The following USP8 variants were observed in gnomAD, a reference collection of about 807,000 sequenced individuals.
USP8 encodes the protein ubiquitin carboxyl-terminal hydrolase 8.
In USP8, 27 loss-of-function variants were observed where a neutral mutation model predicts 130.0. That is an observed-to-expected ratio of 0.21 (90% CI 0.15 to 0.29). USP8 has a LOEUF of 0.29. USP8 is among the 10% of genes least tolerant of loss of function. The pLI, the probability that USP8 is intolerant of heterozygous loss-of-function variation, is 1.00. For missense variants in USP8, 1,029 were observed against 1,312.2 expected (o/e 0.78, Z 3.33); for synonymous variants, 392 against 444.1 (o/e 0.88, Z 1.48).
chr15:50,439,021 T>C lies in USP8; in HGVS notation c.-53T>C. 7.8e-7 allele frequency: 1 copy of C among 1,276,188 alleles called. No individual in the cohort carries two copies. The allele number at this position is 1,276,188 out of a possible 1,614,324, so 79.1% of individuals were successfully genotyped here. A position where few individuals can be genotyped will look rare whatever the true frequency, so the allele number is the denominator to read the frequency against. ...GTATTTGTTTCAGGAAAGAAGCACT[T>C]GTAAGGAAATATAGCATCCATTGTG... On this transcript the variant is annotated 5_prime_UTR_variant, in exon 2 of 20. Coordinates refer to ENST00000307179, the MANE Select transcript of USP8 (RefSeq NM_005154.5).
chr15:50,473,464 T>C (rs1324240968), intron 8 of USP8, among the ~76,000 whole-genome samples: 1 of 152,132 alleles, frequency 6.6e-6, no homozygotes, highest in Non-Finnish European at 1.5e-5. Flanking sequence ...ATCATAGGCC[T>C]AACTATATAT....
At position 50,506,276 on chromosome 15, in the gene USP8, C is replaced by T. The variant is rs184987804; in HGVS notation, c.*7188C>T. ...ACCTGGCTGCACAGCAGGAAGCGAG[C>T]GGCAAACCTACCCTGAGCACCGCCT... On this transcript the variant is annotated 3_prime_UTR_variant, in exon 20 of 20. Coordinates refer to ENST00000307179, the MANE Select transcript of USP8 (RefSeq NM_005154.5). 6.7e-3 allele frequency: 1,024 copies of T among 152,394 alleles called. 4 individuals carry two copies. The highest frequency in any genetic ancestry group is 0.01 in the Non-Finnish European group (692 of 68,120). The allele number at this position is 152,394 out of a possible 1,614,324, so 9.4% of individuals were successfully genotyped here.
intron 7 of USP8, among the ~76,000 whole-genome samples, chr15:50,470,042 A>G (rs2051326363): frequency 6.6e-6 from 1 of 152,146 alleles, no homozygotes; most frequent in Non-Finnish European, 1.5e-5. Flanking sequence ...CATGTTGGCC[A>G]GGCTGGTCTC....
At chr15:50,452,494 A>G (rs528672573) in intron 4 of USP8, among the ~76,000 whole-genome samples, 38 of 152,322 alleles carry the variant, frequency 2.5e-4, no homozygotes, top group South Asian at 4.2e-4. Context: ...GAAAATAGGA[A>G]AAAAGAGAAT....
rs1261485496 is a variant in USP8, at chr15:50,508,750, C to A, written c.*9662C>A. ...CAGTGGTTCATGCCTATAATCCCTG[C>A]ACTTTGGGAGGCCAAGGCAGATGGA... On this transcript the variant is annotated 3_prime_UTR_variant, in exon 20 of 20. Transcript: ENST00000307179. The A allele has an allele frequency of 1.3e-5, 2 of 152,054 alleles. No homozygotes were observed. Among genetic ancestry groups the A allele is most frequent in the Admixed American group, 6.6e-5 (1 of 15,262 alleles). 9.4% of individuals were successfully genotyped at this position (152,054 alleles called of 1,614,324 possible). A position where few individuals can be genotyped will look rare whatever the true frequency, so the allele number is the denominator to read the frequency against.
chr15:50,441,564 A>G (rs944854299), intron 3 of USP8, 71 bp downstream of exon 3: 1 of 1,314,498 alleles, frequency 7.6e-7, no homozygotes, highest in African/African-American at 1.5e-5. Flanking sequence ...TTTTTCTAAA[A>G]ATTTTAAGTA....
intron 11 of USP8, among the ~76,000 whole-genome samples, chr15:50,483,417 ATT>A (rs1409600697): frequency 1.3e-5 from 2 of 152,262 alleles, no homozygotes; most frequent in African/African-American, 4.8e-5. Context: ...TCTAGAATAA[ATT>A]TTGTTAAAAT....
rs539465242 is a variant in USP8 at position 50,494,199 on chromosome 15, C to G, written c.2577C>G (p.Asp859Glu). 1 of 1,613,962 alleles carries G rather than the reference C, an allele frequency of 6.2e-7. No individual in the cohort carries two copies. The highest frequency in any genetic ancestry group is 1.1e-5 in the South Asian group (1 of 91,048). Residue 859 changes from aspartate (D) to glutamate (E), a missense_variant, in exon 16 of 20, where the codon GAC becomes GAG. This residue lies in a region of USP8 where 257 missense variants were observed against 429.8 expected (regional missense o/e 0.60). Transcript: ENST00000307179. The part of the protein sequence containing the change: ...DFKITIGKIN[D>E]QFAGYSQQDS... ...AAATCACCATTGGGAAGATCAATGA[C>G]CAGTTTGCAGGATACAGTCAGCAAG...
intron 1 of USP8, among the ~76,000 whole-genome samples, chr15:50,434,654 C>T (rs905700596): frequency 3.3e-5 from 5 of 151,680 alleles, no homozygotes; most frequent in South Asian, 4.2e-4. Flanking sequence ...CTTGCTGTGT[C>T]GCCCAGGTTG....
At chr15:50,498,753 C>T (rs1566895525) in intron 19 of USP8, 25 bp downstream of exon 19, 21 of 1,574,524 alleles carry the variant, frequency 1.3e-5, no homozygotes, top group Non-Finnish European at 1.7e-5. Flanking sequence ...GAACTGAAGA[C>T]TTTTTGTTTC....
Position 50,449,926 on chromosome 15 carries a change from C to T in USP8, c.335+441C>T, listed in dbSNP as rs184081189. 9.5e-3 allele frequency among the ~76,000 whole-genome samples: 990 copies of T among 104,524 alleles called. 17 individuals carry two copies. Among genetic ancestry groups the T allele is most frequent in the African/African-American group, 0.035 (955 of 26,982 alleles). The allele number at this position is 104,524 out of a possible 152,430, so 68.6% of individuals were successfully genotyped here. A position where few individuals can be genotyped will look rare whatever the true frequency, so the allele number is the denominator to read the frequency against. On this transcript the variant is annotated intron_variant, in intron 4 of 19. Transcript: ENST00000307179. Reference sequence around the variant, plus strand: ...TTTTTTTTTTTCTGAGACGGAGTCTCACTGTTGCCCAGGCTGGAGTGCAGT... The same window carrying T: ...TTTTTTTTTTTCTGAGACGGAGTCTTACTGTTGCCCAGGCTGGAGTGCAGT...
chr15:50,447,996 G>C (rs2050498190), intron 3 of USP8, among the ~76,000 whole-genome samples: 1 of 152,046 alleles, frequency 6.6e-6, no homozygotes, highest in South Asian at 2.1e-4. Flanking sequence ...ACCCACCCCA[G>C]CCTCCCAAAG....
intron 12 of USP8, among the ~76,000 whole-genome samples, chr15:50,489,300 T>G (rs982015736): frequency 6.6e-6 from 1 of 152,284 alleles, no homozygotes; most frequent in Admixed American, 6.5e-5. Context: ...CTTGTGAATA[T>G]TCATTTGCTA....
chr15:50,441,396 G>C lies in USP8; in HGVS notation c.152G>C (p.Arg51Thr), dbSNP rs774971326. The change falls in exon 3 of 20, where the codon AGA becomes ACA. Residue 51 changes from arginine to threonine, a missense_variant. Arg to Thr is a moderately conservative substitution (Grantham distance 71). Around this residue, in one of 4 missense-constraint regions of USP8, gnomAD observed 281 missense variants for 336.7 expected, o/e 0.83. Coordinates refer to ENST00000307179, the MANE Select transcript of USP8 (RefSeq NM_005154.5). The stretch of plus-strand genomic sequence containing the variant: ...ATCTTTAAGACAGCAGAAGAATGCA[G>C]ATTAGATCGTGATGAGGAAAGGGCC... ...LKIFKTAEEC[R>T]LDRDEERAYV... 4 of 1,609,902 alleles carry C rather than the reference G, an allele frequency of 2.5e-6. No homozygotes were observed. The African/African-American group carries it at 4.0e-5, about 16-fold the overall frequency.
chr15:50,505,225 A>G lies in USP8; in HGVS notation c.*6137A>G, dbSNP rs2052642805. Reference sequence around the variant, plus strand: ...ATTTAGGAAATGCAGCGAGCCAGGGATAAATAAAAATAATACTGCAGAACA... The same window carrying G: ...ATTTAGGAAATGCAGCGAGCCAGGGGTAAATAAAAATAATACTGCAGAACA... On this transcript the variant is annotated 3_prime_UTR_variant, in exon 20 of 20. Transcript: ENST00000307179. 6.6e-6 allele frequency: 1 copy of G among 152,184 alleles called. No individual in the cohort carries two copies. The highest frequency in any genetic ancestry group is 2.4e-5 in the African/African-American group (1 of 41,458). 9.4% of individuals were successfully genotyped at this position (152,184 alleles called of 1,614,324 possible).
chr15:50,430,037 A>G (rs952755621), intron 1 of USP8, among the ~76,000 whole-genome samples: 1 of 152,242 alleles, frequency 6.6e-6, no homozygotes, highest in Non-Finnish European at 1.5e-5. Flanking sequence ...TGCCTATATC[A>G]CAGCATTAAG....
chr15:50,441,242 C>CT (rs2050250153), intron 2 of USP8, 107 bp from the exon 3 acceptor site: 10 of 1,113,198 alleles, frequency 9.0e-6, no homozygotes, highest in Non-Finnish European at 1.1e-5. Flanking sequence ...ATCTGTGGCC[C>CT]TGGGGTTGGG....
intron 6 of USP8, chr15:50,463,551 G>A (rs2051084016): frequency 6.6e-6 from 1 of 152,170 alleles, no homozygotes; most frequent in African/African-American, 2.4e-5. Context: ...TAAACTGAGT[G>A]TGCTATAAGG....
rs2052666208 is a variant in USP8 at position 50,506,794 on chromosome 15, C to CA, written c.*7711dup. 1 of 151,054 alleles carries CA rather than the reference C, an allele frequency of 6.6e-6. No individual in the cohort carries two copies. Among genetic ancestry groups the CA allele is most frequent in the South Asian group, 2.1e-4 (1 of 4,770 alleles). The allele number at this position is 151,054 out of a possible 1,614,324, so 9.4% of individuals were successfully genotyped here. On this transcript the variant is annotated 3_prime_UTR_variant, in exon 20 of 20. Coordinates refer to ENST00000307179, the MANE Select transcript of USP8 (RefSeq NM_005154.5). ...CCAACACGGTGAAACCTCATCTCTA[C>CA]AAAAATACAAAAAATTAGCCGGGCA...
Sources: allele counts gnomAD v4.1 joint callset (sites outside exome capture counted in the v4.1 genomes callset), GRCh38; gene constraint gnomAD v4.1.1; regional missense constraint gnomAD v4.1.1; transcripts MANE v1.5; gene names NCBI Gene and HGNC (gene_info 2026-07-23, HGNC 2026-07-21).